The following GPHN variants were observed in gnomAD, a reference collection of about 807,000 sequenced individuals.
GPHN encodes gephyrin.
GPHN carries 17 observed loss-of-function variants against 95.5 expected under a neutral mutation model. That is an observed-to-expected ratio of 0.18 (90% CI 0.12 to 0.27). GPHN has a LOEUF of 0.27. Ranked by LOEUF, GPHN falls within the 10% of genes least tolerant of loss-of-function variation. GPHN has a pLI of 1.00. For missense variants in GPHN, 660 were observed against 978.1 expected, an observed-to-expected ratio of 0.67 and a Z score of 4.34; for synonymous variants, 320 against 322.5, an observed-to-expected ratio of 0.99 and a Z score of 0.08.
At chr14:66,742,661 T>C (rs2072891215) in intron 2 of GPHN, among the ~76,000 whole-genome samples, 1 of 152,242 alleles carries the variant, frequency 6.6e-6, no homozygotes, top group African/African-American at 2.4e-5. Flanking sequence ...ATTAAAATAC[T>C]ATTTTTCTTC....
the GPHN span, among the ~76,000 whole-genome samples, chr14:67,434,752 A>G: frequency 1.3e-5 from 2 of 152,204 alleles, no homozygotes; most frequent in Admixed American, 6.5e-5. Context: ...TTTGTTGCTT[A>G]TAACAGAATA....
chr14:66,526,772 T>G (rs1659636132), intron 1 of GPHN, among the ~76,000 whole-genome samples: 1 of 152,224 alleles, frequency 6.6e-6, no homozygotes, highest in Admixed American at 6.5e-5. Flanking sequence ...TGTGGTAGAT[T>G]ACATTTATTG....
At chr14:67,245,539 T>TG in the GPHN span, among the ~76,000 whole-genome samples, 1 of 152,150 alleles carries the variant, frequency 6.6e-6, no homozygotes, top group Non-Finnish European at 1.5e-5. Flanking sequence ...TCTTTAGGGA[T>TG]GGGGTCTCAC....
the GPHN span, chr14:67,734,553 G>A: frequency 5.1e-5 from 8 of 155,404 alleles, no homozygotes; most frequent in East Asian, 1.9e-4. Flanking sequence ...ACCCAGCCAC[G>A]GGAATTGGGA....
At chr14:66,688,074 A>G (rs1362764494) in intron 2 of GPHN, among the ~76,000 whole-genome samples, 1 of 152,238 alleles carries the variant, frequency 6.6e-6, no homozygotes, top group Non-Finnish European at 1.5e-5. Context: ...ACAGTTGACT[A>G]ACACATATTT....
intron 1 of GPHN, among the ~76,000 whole-genome samples, chr14:66,534,949 G>A (rs2139993083): frequency 6.6e-6 from 1 of 152,110 alleles, no homozygotes; most frequent in East Asian, 1.9e-4. Flanking sequence ...TCTTAATAGT[G>A]TATTATAATA....
the GPHN span, among the ~76,000 whole-genome samples, chr14:67,293,295 T>G: frequency 6.6e-6 from 1 of 152,168 alleles, no homozygotes; most frequent in Non-Finnish European, 1.5e-5. Context: ...AAATTTAAGA[T>G]TTAAAAAGGG....
chr14:66,935,709 T>G (rs900112553), intron 8 of GPHN, among the ~76,000 whole-genome samples: 6 of 151,850 alleles, frequency 4.0e-5, no homozygotes, highest in African/African-American at 1.2e-4. Context: ...TACGTATACA[T>G]GTGTTTATGT....
intron 2 of GPHN, among the ~76,000 whole-genome samples, chr14:66,698,979 G>T (rs2068308946): frequency 6.6e-6 from 1 of 152,162 alleles, no homozygotes; most frequent in South Asian, 2.1e-4. Flanking sequence ...AAAGTTTATT[G>T]ACCCGTGGTG....
At chr14:66,999,320 A>G (rs1183750458) in intron 9 of GPHN, among the ~76,000 whole-genome samples, 1 of 151,900 alleles carries the variant, frequency 6.6e-6, no homozygotes, top group Non-Finnish European at 1.5e-5. Context: ...CACTTCATCC[A>G]TTTACTTTGC....
chr14:67,012,883 A>G (rs567725142), intron 9 of GPHN, among the ~76,000 whole-genome samples: 1 of 152,156 alleles, frequency 6.6e-6, no homozygotes, highest in African/African-American at 2.4e-5. Flanking sequence ...CTTGTCTAAA[A>G]TAGCTATACC....
intron 2 of GPHN, among the ~76,000 whole-genome samples, chr14:66,681,973 T>C (rs1289971649): frequency 6.6e-6 from 1 of 152,172 alleles, no homozygotes; most frequent in Non-Finnish European, 1.5e-5. Context: ...AGGAAATTCA[T>C]CTCCCAGATC....
At chr14:67,436,630 T>A in the GPHN span, among the ~76,000 whole-genome samples, 2 of 152,118 alleles carry the variant, frequency 1.3e-5, no homozygotes, top group Admixed American at 6.5e-5. Context: ...CCCGATAATC[T>A]CACTGCCACG....
At chr14:66,847,203 C>T (rs1051754255) in intron 4 of GPHN, among the ~76,000 whole-genome samples, 2 of 152,098 alleles carry the variant, frequency 1.3e-5, no homozygotes, top group Non-Finnish European at 2.9e-5. Context: ...TCAAGGTTGT[C>T]ATGTTGAGAA....
chr14:66,656,295 T>A (rs1200407365), intron 1 of GPHN, among the ~76,000 whole-genome samples: 1 of 81,420 alleles, frequency 1.2e-5, no homozygotes, highest in Admixed American at 1.5e-4. Flanking sequence ...TTCAAATTAC[T>A]GATTTCACAT....
chr14:66,961,908 A>ATATATATGTG (rs2068941409), intron 8 of GPHN, among the ~76,000 whole-genome samples: 3 of 76,716 alleles, frequency 3.9e-5, no homozygotes, highest in African/African-American at 1.1e-4. Flanking sequence ...GTGTATATAT[A>ATATATATGTG]TATATATATA....
At chr14:67,434,860 C>G in the GPHN span, among the ~76,000 whole-genome samples, 12 of 152,186 alleles carry the variant, frequency 7.9e-5, no homozygotes, top group South Asian at 2.5e-3. Context: ...TGAGGGCCTT[C>G]TTGCTGGTGG....
chr14:66,688,747 T>A (rs914244341), intron 2 of GPHN, among the ~76,000 whole-genome samples: 1 of 152,174 alleles, frequency 6.6e-6, no homozygotes, highest in Non-Finnish European at 1.5e-5. Flanking sequence ...GAATGAAAGT[T>A]GTGAAAGTCC....
chr14:67,060,686 C>T (rs1349757988), intron 11 of GPHN, among the ~76,000 whole-genome samples: 1 of 152,220 alleles, frequency 6.6e-6, no homozygotes, highest in African/African-American at 2.4e-5. Context: ...GTACTTGTCT[C>T]CTTTAATTGG....
Sources: gnomAD v4.1 joint callset for allele counts (sites outside exome capture counted in the v4.1 genomes callset) on GRCh38, gnomAD v4.1.1 for gene constraint, MANE v1.5 for transcripts, NCBI Gene and HGNC (gene_info 2026-07-23, HGNC 2026-07-21) for gene names.